COL4A5: variants seen among roughly 807,000 people sequenced by gnomAD.
COL4A5 encodes the protein collagen alpha-5(IV) chain.
Under a neutral mutation model 130.2 loss-of-function variants are expected in COL4A5, and 26 were observed. That is an observed-to-expected ratio of 0.20 (90% CI 0.15 to 0.28). The LOEUF (loss-of-function observed/expected upper bound fraction) is 0.28. COL4A5 is among the 10% of genes least tolerant of loss of function. The probability of loss-of-function intolerance (pLI) is 1.00; values close to 1 mark genes in which losing one functional copy is unlikely to be tolerated. For synonymous variants in COL4A5, 496 were observed against 439.6 expected (o/e 1.13, Z -1.60); for missense variants, 1,131 against 1,344.3 (o/e 0.84, Z 2.48).
At chrX:108,557,045 CTT>C (rs1252731376) in intron 2 of COL4A5, among the ~76,000 whole-genome samples, 1 of 111,672 alleles carries the variant, frequency 9.0e-6, no homozygotes, top group African/African-American at 3.3e-5. Flanking sequence ...TTATTCCTCT[CTT>C]ATCTGTAGGC....
chrX:108,463,158 A>G, intron 1 of COL4A5, among the ~76,000 whole-genome samples: 1 of 112,083 alleles, frequency 8.9e-6, no homozygotes, highest in Non-Finnish European at 1.9e-5. Context: ...CTTAGTAAAA[A>G]AAAGGAAGAA....
Position 108,578,950 on chromosome X carries a change from T to C in COL4A5, c.780+567T>C, listed in dbSNP as rs1015936781. Among the ~76,000 whole-genome samples, 6 of 111,602 alleles carry C rather than the reference T, an allele frequency of 5.4e-5. No homozygotes were observed. The South Asian group carries it at 1.9e-3, about 35-fold the overall frequency. On this transcript the variant is annotated intron_variant, in intron 13 of 52. Transcript: ENST00000328300. ...GCCTCGGCCTCCCAAAGTGTTGGGA[T>C]TTCAGGCATAAGCCACCATGCCTGG...
At chrX:108,474,990 A>C (rs924596467) in intron 1 of COL4A5, among the ~76,000 whole-genome samples, 14 of 110,952 alleles carry the variant, frequency 1.3e-4, no homozygotes, top group Admixed American at 1.3e-3. Flanking sequence ...TGTTGTTTTG[A>C]TTACTGTAGC....
At chrX:108,678,162 CAG>C (rs111689229) in intron 44 of COL4A5, among the ~76,000 whole-genome samples, 11,449 of 111,008 alleles carry the variant, frequency 0.1, 1,288 homozygotes, top group African/African-American at 0.33. Context: ...TGACCCAGAG[CAG>C]AGAGTCACAT....
At chrX:108,478,333 A>G (rs1322490389) in intron 1 of COL4A5, among the ~76,000 whole-genome samples, 1 of 110,615 alleles carries the variant, frequency 9.0e-6, no homozygotes, top group African/African-American at 3.3e-5. Flanking sequence ...TGGAACTAAG[A>G]CCTCTAGGCC....
chrX:108,688,123 A>G (rs1272393409), intron 49 of COL4A5, among the ~76,000 whole-genome samples: 1 of 112,147 alleles, frequency 8.9e-6, no homozygotes, highest in Non-Finnish European at 1.9e-5. Context: ...TTCATAGATC[A>G]AAGAAAGTAA....
chrX:108,641,172 C>T (rs1372959753), intron 36 of COL4A5, among the ~76,000 whole-genome samples: 1 of 111,792 alleles, frequency 8.9e-6, no homozygotes, highest in Admixed American at 9.5e-5. Context: ...TTGACAGTGC[C>T]TCAAAAAGTT....
intron 3 of COL4A5, among the ~76,000 whole-genome samples, chrX:108,562,523 A>G (rs1169476894): frequency 8.9e-6 from 1 of 112,130 alleles, no homozygotes; most frequent in Non-Finnish European, 1.9e-5. Flanking sequence ...GTGTGCTTGT[A>G]TGCAGGTTAA....
chrX:108,678,521 C>G (rs1204846691), intron 44 of COL4A5, among the ~76,000 whole-genome samples: 3 of 111,029 alleles, frequency 2.7e-5, no homozygotes, highest in Non-Finnish European at 5.7e-5. Flanking sequence ...TAAAAATATT[C>G]TCATGTTTTA....
intron 36 of COL4A5, among the ~76,000 whole-genome samples, chrX:108,635,768 G>A (rs1013504879): frequency 1.8e-5 from 2 of 112,065 alleles, no homozygotes; most frequent in Non-Finnish European, 3.8e-5. Flanking sequence ...TTTCAACGTA[G>A]GTACCAAAAC....
intron 1 of COL4A5, among the ~76,000 whole-genome samples, chrX:108,517,849 CTT>C (rs932159806): frequency 9.0e-5 from 10 of 110,613 alleles, no homozygotes; most frequent in African/African-American, 3.3e-4. Context: ...TTTTTTTTCT[CTT>C]TTGAATACTC....
At chrX:108,487,390 C>CA (rs139062835) in intron 1 of COL4A5, among the ~76,000 whole-genome samples, 3,934 of 53,356 alleles carry the variant, frequency 0.074, 213 homozygotes, top group African/African-American at 0.21. Flanking sequence ...AACTCTGTCT[C>CA]AAAAAAAAAA....
chrX:108,494,985 T>TA (rs2065021830), intron 1 of COL4A5, among the ~76,000 whole-genome samples: 1 of 111,513 alleles, frequency 9.0e-6, no homozygotes, highest in Admixed American at 9.6e-5. Flanking sequence ...TGTAGTTAAT[T>TA]AAAACAGTTG....
intron 1 of COL4A5, among the ~76,000 whole-genome samples, chrX:108,485,583 G>C (rs1459174940): frequency 6.3e-5 from 7 of 110,258 alleles, no homozygotes; most frequent in African/African-American, 2.3e-4. Context: ...TCTGGCCTGG[G>C]GTGTGTCTGG....
chrX:108,547,469 A>T lies in COL4A5; in HGVS notation c.141+7664A>T, dbSNP rs962655801. Among the ~76,000 whole-genome samples, 19 of 111,382 alleles carry T rather than the reference A, an allele frequency of 1.7e-4. No individual in the cohort carries two copies. The Admixed American group carries it at 1.7e-3, about 10-fold the overall frequency. ...GTTACTGCCTGATCGTTCCTCTGGA[A>T]GTTTCATCTCAGAGGGGTACCCGGC... On this transcript the variant is annotated intron_variant, in intron 2 of 52. Coordinates refer to ENST00000328300, the MANE Select transcript of COL4A5 (RefSeq NM_033380.3).
At position 108,614,383 on chromosome X, in the gene COL4A5, A is replaced by G. The variant is rs764808637; in HGVS notation, c.2396-528A>G. On this transcript the variant is annotated intron_variant, in intron 29 of 52. Coordinates refer to ENST00000328300, the MANE Select transcript of COL4A5 (RefSeq NM_033380.3). ...CCTTTGTCAAAACTCATCAAAGTGTACACTAAAAAGACAGAATTTTAGTAC... is the reference window on the plus strand; with the variant it reads ...CCTTTGTCAAAACTCATCAAAGTGTGCACTAAAAAGACAGAATTTTAGTAC... Among the ~76,000 whole-genome samples, 6 of 111,648 alleles carry G rather than the reference A, an allele frequency of 5.4e-5. No individual in the cohort carries two copies. In the Admixed American group the frequency reaches 5.8e-4, roughly 11 times the overall value.
intron 13 of COL4A5, among the ~76,000 whole-genome samples, chrX:108,578,821 A>G (rs1207493649): frequency 9.2e-6 from 1 of 109,120 alleles, no homozygotes; most frequent in Non-Finnish European, 1.9e-5. Flanking sequence ...CTGGGATTAC[A>G]GGTGCCCACC....
chrX:108,596,368 A>C (rs191746437), intron 22 of COL4A5, among the ~76,000 whole-genome samples: 6 of 112,275 alleles, frequency 5.3e-5, no homozygotes, highest in Admixed American at 4.7e-4. Context: ...GGCTTATTGA[A>C]GCCCAGAATG....
chrX:108,449,915 A>G (rs1429539775), intron 1 of COL4A5, among the ~76,000 whole-genome samples: 2 of 111,999 alleles, frequency 1.8e-5, no homozygotes, highest in Non-Finnish European at 3.8e-5. Context: ...ATAAACATGT[A>G]TCATAGCAAA....
Sources: allele counts gnomAD v4.1 joint callset (sites outside exome capture counted in the v4.1 genomes callset), GRCh38; gene constraint gnomAD v4.1.1; transcripts MANE v1.5; gene names NCBI Gene and HGNC (gene_info 2026-07-23, HGNC 2026-07-21).